Variants in JMJD6 observed in about 807,000 individuals in gnomAD.
JMJD6 encodes bifunctional arginine demethylase and lysyl-hydroxylase JMJD6.
In JMJD6, 17 loss-of-function variants were observed where a neutral mutation model predicts 45.8. That is an observed-to-expected ratio of 0.37 (90% CI 0.25 to 0.56). JMJD6 has a LOEUF of 0.56. JMJD6 is among the 20% of genes least tolerant of loss of function. The pLI, the probability that JMJD6 is intolerant of heterozygous loss-of-function variation, is 0.79. For missense variants in JMJD6, 470 were observed against 517.5 expected (o/e 0.91, Z 0.89); for synonymous variants, 221 against 196.3 (o/e 1.13, Z -1.05).
chr17:76,725,507 G>C lies in JMJD6; in HGVS notation c.478C>G (p.Leu160Val). 6.2e-7 allele frequency: 1 copy of C among 1,613,636 alleles called. No homozygotes were observed. The highest frequency in any genetic ancestry group is 8.5e-7 in the Non-Finnish European group (1 of 1,179,906). ...CGCTTCTCCCCAGCATACTGGAAAA[G>C]GTCATCAGTGAAAAACTTTGGCACC... is the stretch of plus-strand genomic sequence containing the variant. The part of the protein sequence containing the change: ...YKVPKFFTDD[L>V]FQYAGEKRRP... The change falls in exon 2 of 6, where the codon CTT becomes GTT. Residue 160 changes from leucine to valine, a missense_variant. Leu to Val is a conservative substitution (Grantham distance 32, BLOSUM62 1). This residue lies in a region of JMJD6 where 346 missense variants were observed against 339.5 expected (regional missense o/e 1.02). Coordinates refer to ENST00000397625, the MANE Select transcript of JMJD6 (RefSeq NM_015167.3).
intron 2 of JMJD6, among the ~76,000 whole-genome samples, 183 bp from the exon 3 acceptor site, chr17:76,724,241 C>A (rs1206570474): frequency 6.6e-6 from 1 of 152,012 alleles, no homozygotes; most frequent in African/African-American, 2.4e-5. Context: ...CCTGCCTTAG[C>A]CTCCTGAGTA....
rs533617052 is a variant in JMJD6, at chr17:76,720,477, G to T, written c.963C>A (p.Pro321=). ...CCGAGTCTGCGAGGACTGCCAACTC[G>T]GGGTGCTCTTGCTTCAAAATCCTGA... ...KWYRILKQEH[P]ELAVLADSVD... Residue 321 remains proline, a synonymous_variant, in exon 5 of 6, where the codon CCC becomes CCA. Transcript: ENST00000397625. The T allele has an allele frequency of 1.2e-6, 2 of 1,613,902 alleles. No individual in the cohort carries two copies. Among genetic ancestry groups the T allele is most frequent in the African/African-American group, 2.7e-5 (2 of 74,904 alleles).
At position 76,725,760 on chromosome 17, in the gene JMJD6, C is replaced by A. The variant is rs778220189; in HGVS notation, c.225G>T (p.Ala75=). The part of the protein sequence containing the change: ...RPYKPVVLLN[A]QEGWSAQEKW... ...TCTCCTGCGCAGACCAGCCCTCTTGCGCATTCAACAAAACCACGGGCTTGT... is the reference window on the plus strand; with the variant it reads ...TCTCCTGCGCAGACCAGCCCTCTTGAGCATTCAACAAAACCACGGGCTTGT... The change falls in exon 2 of 6, where the codon GCG becomes GCT. Residue 75 remains alanine, a synonymous_variant. Transcript: ENST00000397625. The A allele has an allele frequency of 1.2e-6, 2 of 1,614,098 alleles. No homozygotes were observed. The highest frequency in any genetic ancestry group is 1.3e-5 in the African/African-American group (1 of 75,006).
chr17:76,721,347 T>C (rs2076821828), intron 4 of JMJD6: 1 of 446,654 alleles, frequency 2.2e-6, no homozygotes, highest in South Asian at 1.6e-5. Flanking sequence ...CTGCCCGTGC[T>C]GTATCTGTTC....
intron 2 of JMJD6, 61 bp downstream of exon 2, chr17:76,725,406 C>CAAAAAAAAAA (rs36106744): frequency 1.0e-5 from 10 of 959,100 alleles, no homozygotes; most frequent in South Asian, 3.9e-5. Context: ...CGCTCTGTCT[C>CAAAAAAAAAA]AAAAAAAAAA....
At chr17:76,719,334 G>A (rs2076795879) in intron 5 of JMJD6, among the ~76,000 whole-genome samples, 1 of 152,002 alleles carries the variant, frequency 6.6e-6, no homozygotes. Flanking sequence ...TGTCGCCCAG[G>A]CTGGAGTGCA....
At position 76,724,133 on chromosome 17, in the gene JMJD6, G is replaced by T. The variant is rs867016494; in HGVS notation, c.519-75C>A. ...TACCACACAAAACAATAAGTTTTTA[G>T]TTTTTCTTTGAGAGTCTTGCTCTAT... On this transcript the variant is annotated intron_variant, in intron 2 of 5. Transcript: ENST00000397625. 3 of 1,514,190 alleles carry T rather than the reference G, an allele frequency of 2.0e-6. No individual in the cohort carries two copies. In the African/African-American group the frequency reaches 4.2e-5, roughly 21 times the overall value. The allele number at this position is 1,514,190 out of a possible 1,614,324, so 93.8% of individuals were successfully genotyped here.
At chr17:76,716,758 G>C, downstream of JMJD6, 1 of 1,612,298 alleles carries the variant, frequency 6.2e-7, no homozygotes, top group Middle Eastern at 1.7e-4. Context: ...TAATCAGCAC[G>C]TAGACAGCAT....
chr17:76,726,347 C>T lies in JMJD6; in HGVS notation c.129G>A (p.Ala43=). The part of the protein sequence containing the change: ...ESFSLSPAAV[A]DNVERADALQ... ...GGCCACCCCCGCCCGACCCGCTCAC[C>T]GCCACGGCCGCCGGGCTCAGCGAGA... The change falls in exon 1 of 6, where the codon GCG becomes GCA. Residue 43 remains alanine, a splice_region_variant and synonymous_variant. Coordinates refer to ENST00000397625, the MANE Select transcript of JMJD6 (RefSeq NM_015167.3). The T allele has an allele frequency of 6.3e-7, 1 of 1,578,532 alleles. No individual in the cohort carries two copies. The highest frequency in any genetic ancestry group is 8.6e-7 in the Non-Finnish European group (1 of 1,165,724).
intron 4 of JMJD6, chr17:76,720,773 A>C: frequency 3.0e-6 from 1 of 328,312 alleles, no homozygotes; most frequent in Non-Finnish European, 5.7e-6. Context: ...CCAATACACG[A>C]GGCACAATTT....
Position 76,718,509 on chromosome 17 carries a change from A to G in JMJD6, c.*220T>C, listed in dbSNP as rs941782646. The G allele has an allele frequency of 1.2e-5, 16 of 1,348,006 alleles. No individual in the cohort carries two copies. The highest frequency in any genetic ancestry group is 1.3e-5 in the Non-Finnish European group (14 of 1,053,710). The allele number at this position is 1,348,006 out of a possible 1,614,324, so 83.5% of individuals were successfully genotyped here. ...AAAGGATTTTCTTGGCACTATTCAC[A>G]TTCTCTTGCCTGAGTAAAACAAGCC... On this transcript the variant is annotated 3_prime_UTR_variant, in exon 6 of 6. Transcript: ENST00000397625.
In JMJD6 at chr17:76,718,695, C is replaced by A; in HGVS notation, c.*34G>T. 1.9e-6 allele frequency: 3 copies of A among 1,608,204 alleles called. No homozygotes were observed. Among genetic ancestry groups the A allele is most frequent in the Non-Finnish European group, 2.5e-6 (3 of 1,176,902 alleles). On this transcript the variant is annotated 3_prime_UTR_variant, in exon 6 of 6. Transcript: ENST00000397625. ...CCCCAGGCCCTGCCCTTGCCGCGAG[C>A]GTGTCCTTCCATACAGACAACAGCC...
intron 1 of JMJD6, 38 bp downstream of exon 1, chr17:76,726,309 C>G: frequency 1.3e-6 from 2 of 1,530,502 alleles, no homozygotes; most frequent in Non-Finnish European, 1.7e-6. Flanking sequence ...CTGGAGGTGC[C>G]GATGCCCGGC....
At chr17:76,716,776 A>G, downstream of JMJD6, 1 of 1,600,936 alleles carries the variant, frequency 6.2e-7, no homozygotes. Flanking sequence ...CATGCTGGGT[A>G]CAAAGCTGGA....
At position 76,720,516 on chromosome 17, in the gene JMJD6, T is replaced by C. The variant is rs771384714; in HGVS notation, c.942-18A>G. On this transcript the variant is annotated intron_variant, in intron 4 of 5. Coordinates refer to ENST00000397625, the MANE Select transcript of JMJD6 (RefSeq NM_015167.3). ...TCAAAATCCTGAGAGGCAAGAAGTGTTGTTCTCAGTGCACTGACAGCCATA... is the reference window on the plus strand; with the variant it reads ...TCAAAATCCTGAGAGGCAAGAAGTGCTGTTCTCAGTGCACTGACAGCCATA... 1.9e-6 allele frequency: 3 copies of C among 1,613,008 alleles called. No homozygotes were observed. Among genetic ancestry groups the C allele is most frequent in the Non-Finnish European group, 1.7e-6 (2 of 1,179,454 alleles).
At chr17:76,726,222 G>T in intron 1 of JMJD6, 125 bp downstream of exon 1, 1 of 1,284,246 alleles carries the variant, frequency 7.8e-7, no homozygotes. Flanking sequence ...AACTCCGCGG[G>T]GTGCGGGTGA....
intron 5 of JMJD6, among the ~76,000 whole-genome samples, 154 bp downstream of exon 5, chr17:76,720,206 A>G (rs1439390079): frequency 1.3e-5 from 2 of 152,230 alleles, no homozygotes. Flanking sequence ...TACACCACTC[A>G]GCAGGAATGG....
downstream of JMJD6, chr17:76,714,882 C>CGG (rs2076753496): frequency 6.6e-6 from 1 of 152,210 alleles, no homozygotes; most frequent in Admixed American, 6.5e-5. Context: ...CTCCTGGACT[C>CGG]AAGCAATCCC....
At chr17:76,717,089 C>T (rs2076770653), downstream of JMJD6, among the ~76,000 whole-genome samples, 1 of 152,058 alleles carries the variant, frequency 6.6e-6, no homozygotes, top group African/African-American at 2.4e-5. Context: ...GGCTGCGGGT[C>T]CTGCACTTCC....
Sources: gnomAD v4.1 joint callset for allele counts (sites outside exome capture counted in the v4.1 genomes callset) on GRCh38, gnomAD v4.1.1 for gene constraint, gnomAD v4.1.1 regional missense constraint, MANE v1.5 for transcripts, NCBI Gene and HGNC (gene_info 2026-07-23, HGNC 2026-07-21) for gene names.